Variants in DPP10 observed in about 807,000 individuals in gnomAD.
The protein encoded by DPP10 is inactive dipeptidyl peptidase 10.
Under a neutral mutation model 120.9 loss-of-function variants are expected in DPP10, and 33 were observed. The ratio of observed to expected loss-of-function variants is 0.27; its 90% CI spans 0.21 to 0.37. The LOEUF (loss-of-function observed/expected upper bound fraction) is 0.37, where lower values mean the gene tolerates loss of function less well. DPP10 is among the 10% of genes least tolerant of loss of function. DPP10 has a pLI of 1.00. For synonymous variants in DPP10, 337 were observed against 326.1 expected, an observed-to-expected ratio of 1.03 and a Z score of -0.36; for missense variants, 816 against 942.8, an observed-to-expected ratio of 0.87 and a Z score of 1.76.
At chr2:115,707,750 G>A (rs533678229) in intron 7 of DPP10, among the ~76,000 whole-genome samples, 1 of 151,876 alleles carries the variant, frequency 6.6e-6, no homozygotes, top group African/African-American at 2.4e-5. Context: ...TCTTCTATAT[G>A]TGCAGGAAAG....
Position 115,842,472 on chromosome 2 carries a change from C to T in DPP10, c.*127C>T. On this transcript the variant is annotated 3_prime_UTR_variant, in exon 26 of 26. Transcript: ENST00000410059. ...ACGGAGATGTCACTGGAGCAGCACG[C>T]TCAGAGACAGTGAACTAGCATTTGA... 1 of 1,106,390 alleles carries T rather than the reference C, an allele frequency of 9.0e-7. No individual in the cohort carries two copies. Among genetic ancestry groups the T allele is most frequent in the Non-Finnish European group, 1.2e-6 (1 of 804,342 alleles). 68.5% of individuals were successfully genotyped at this position (1,106,390 alleles called of 1,614,324 possible).
chr2:115,383,997 A>C (rs538608957), intron 3 of DPP10, among the ~76,000 whole-genome samples: 18 of 152,210 alleles, frequency 1.2e-4, no homozygotes, highest in Non-Finnish European at 2.2e-4. Context: ...ACCTAATTAG[A>C]ATACTGCCTG....
At chr2:115,010,702 C>T (rs1360923036) in intron 1 of DPP10, among the ~76,000 whole-genome samples, 1 of 152,108 alleles carries the variant, frequency 6.6e-6, no homozygotes, top group Non-Finnish European at 1.5e-5. Flanking sequence ...AACAGAAGCT[C>T]CAAAAATCCA....
chr2:114,505,198 A>G (rs1004626347), intron 1 of DPP10, among the ~76,000 whole-genome samples: 4 of 150,778 alleles, frequency 2.7e-5, no homozygotes, highest in African/African-American at 1.0e-4. Flanking sequence ...AGAAGTGACC[A>G]AAACAGATAG....
At chr2:115,373,296 A>G (rs773809043) in intron 3 of DPP10, among the ~76,000 whole-genome samples, 35 of 152,216 alleles carry the variant, frequency 2.3e-4, no homozygotes, top group Admixed American at 2.1e-3. Flanking sequence ...AGACGAGAAC[A>G]TAGATGTTTA....
intron 3 of DPP10, among the ~76,000 whole-genome samples, chr2:115,479,769 G>C (rs1444047845): frequency 6.6e-6 from 1 of 152,022 alleles, no homozygotes; most frequent in Non-Finnish European, 1.5e-5. Flanking sequence ...CTCCATATTT[G>C]CTGAGGTTCG....
At chr2:115,429,173 T>C (rs1395141578) in intron 3 of DPP10, among the ~76,000 whole-genome samples, 1 of 152,036 alleles carries the variant, frequency 6.6e-6, no homozygotes, top group Non-Finnish European at 1.5e-5. Flanking sequence ...AGTTTTTTGC[T>C]TTATACATTT....
At chr2:115,387,100 G>A (rs887387571) in intron 3 of DPP10, among the ~76,000 whole-genome samples, 2 of 151,918 alleles carry the variant, frequency 1.3e-5, no homozygotes, top group Admixed American at 6.6e-5. Flanking sequence ...GCAGGTCCTG[G>A]GTCTGTGGTG....
At chr2:115,675,636 C>T (rs2090193571) in intron 5 of DPP10, among the ~76,000 whole-genome samples, 1 of 152,206 alleles carries the variant, frequency 6.6e-6, no homozygotes, top group Non-Finnish European at 1.5e-5. Context: ...CCAAAGCCCA[C>T]ATTTTGACAA....
chr2:115,711,532 G>A (rs1386750403), intron 7 of DPP10, among the ~76,000 whole-genome samples: 12 of 152,240 alleles, frequency 7.9e-5, no homozygotes, highest in African/African-American at 2.9e-4. Context: ...CTGAGATGGA[G>A]TCCATTGAAA....
At chr2:114,551,977 A>T (rs1233210287) in intron 1 of DPP10, among the ~76,000 whole-genome samples, 1 of 152,232 alleles carries the variant, frequency 6.6e-6, no homozygotes, top group East Asian at 1.9e-4. Context: ...CTCTATGAAA[A>T]AGTAAAATGG....
rs995443503 is a variant in DPP10, at chr2:115,402,875, A to T, written c.271+58963A>T. On this transcript the variant is annotated intron_variant, in intron 3 of 25. Transcript: ENST00000410059. ...AAAAAATATATATATATATATATATATGTGTGTGTGTGTGTGTATATATAT... is the reference window on the plus strand; with the variant it reads ...AAAAAATATATATATATATATATATTTGTGTGTGTGTGTGTGTATATATAT... Among the ~76,000 whole-genome samples, 517 of 125,224 alleles carry T rather than the reference A, an allele frequency of 4.1e-3. 7 individuals carry two copies. Among genetic ancestry groups the T allele is most frequent in the South Asian group, 0.028 (114 of 4,072 alleles). 82.2% of individuals were successfully genotyped at this position (125,224 alleles called of 152,430 possible).
chr2:115,193,002 G>T (rs1247850587), intron 1 of DPP10, among the ~76,000 whole-genome samples: 1 of 151,494 alleles, frequency 6.6e-6, no homozygotes, highest in East Asian at 1.9e-4. Flanking sequence ...TTTAATGTAG[G>T]TATGAATCCA....
rs1575878213 is a variant in DPP10 at position 115,817,844 on chromosome 2, T to G, written c.1950+2115T>G. 3.3e-5 allele frequency among the ~76,000 whole-genome samples: 5 copies of G among 152,156 alleles called. 1 individual carries two copies. Among genetic ancestry groups the G allele is most frequent in the Admixed American group, 1.3e-4 (2 of 15,300 alleles). On this transcript the variant is annotated intron_variant, in intron 21 of 25. Transcript: ENST00000410059. ...TAGCCAGTCACAGAAGGACAAATAC[T>G]GTATAATTCTACTTATTACATGAGG...
intron 21 of DPP10, among the ~76,000 whole-genome samples, chr2:115,835,025 G>T (rs888792548): frequency 3.3e-5 from 5 of 151,904 alleles, no homozygotes; most frequent in African/African-American, 1.2e-4. Flanking sequence ...GGCGGAGCTT[G>T]CAGTGAGCCC....
intron 1 of DPP10, among the ~76,000 whole-genome samples, chr2:115,296,657 A>G (rs1399556297): frequency 2.0e-5 from 3 of 152,058 alleles, no homozygotes; most frequent in East Asian, 1.9e-4. Flanking sequence ...CCTGAATCCT[A>G]TCACATTTAG....
chr2:114,468,605 G>A (rs538406443), intron 1 of DPP10, among the ~76,000 whole-genome samples: 1 of 152,216 alleles, frequency 6.6e-6, no homozygotes, highest in African/African-American at 2.4e-5. Context: ...TAATGTATCT[G>A]AAATAGTGTA....
At chr2:114,662,609 C>G (rs1035582325) in intron 1 of DPP10, among the ~76,000 whole-genome samples, 4 of 152,162 alleles carry the variant, frequency 2.6e-5, no homozygotes, top group Non-Finnish European at 4.4e-5. Flanking sequence ...AGAACACGGT[C>G]CAGGGAGGCT....
chr2:115,253,807 G>A (rs924381062), intron 1 of DPP10, among the ~76,000 whole-genome samples: 5 of 152,196 alleles, frequency 3.3e-5, no homozygotes, highest in African/African-American at 1.2e-4. Flanking sequence ...GCAAACTGCT[G>A]GTGGATCTAC....
Sources: gnomAD v4.1 joint callset for allele counts (sites outside exome capture counted in the v4.1 genomes callset) on GRCh38, gnomAD v4.1.1 for gene constraint, MANE v1.5 for transcripts, NCBI Gene and HGNC (gene_info 2026-07-23, HGNC 2026-07-21) for gene names.